The following RORA variants were observed in gnomAD, a reference collection of about 807,000 sequenced individuals.
The protein encoded by RORA is RAR related orphan receptor A, also known as nuclear receptor ROR-alpha.
Under a neutral mutation model 69.5 loss-of-function variants are expected in RORA, and 7 were observed. That is an observed-to-expected ratio of 0.10 (90% CI 0.06 to 0.19). The LOEUF (loss-of-function observed/expected upper bound fraction) is 0.19, where lower values mean the gene tolerates loss of function less well. Ranked by LOEUF, RORA falls within the 10% of genes least tolerant of loss-of-function variation. RORA has a pLI of 1.00. For synonymous variants in RORA, 261 were observed against 240.8 expected (o/e 1.08, Z -0.78); for missense variants, 457 against 663.0 (o/e 0.69, Z 3.41).
intron 2 of RORA, among the ~76,000 whole-genome samples, chr15:60,672,163 GAATAACATT>G (rs1455123312): frequency 6.6e-6 from 1 of 152,140 alleles, no homozygotes; most frequent in Non-Finnish European, 1.5e-5. Context: ...CACATAGTGG[GAATAACATT>G]CCCCTTTCTT....
At chr15:61,127,967 A>T (rs2079157578) in intron 1 of RORA, among the ~76,000 whole-genome samples, 1 of 152,206 alleles carries the variant, frequency 6.6e-6, no homozygotes, top group Non-Finnish European at 1.5e-5. Context: ...TCAGCTTCTT[A>T]CAGCTATAGG....
intron 3 of RORA, among the ~76,000 whole-genome samples, chr15:60,522,285 C>G (rs1295030394): frequency 6.6e-6 from 1 of 152,202 alleles, no homozygotes; most frequent in Admixed American, 6.5e-5. Flanking sequence ...CATCCCTTCC[C>G]TACTCTGTAT....
chr15:61,066,383 C>G (rs922044783), intron 1 of RORA, among the ~76,000 whole-genome samples: 14 of 144,774 alleles, frequency 9.7e-5, no homozygotes, highest in Non-Finnish European at 1.7e-4. Context: ...GAGTAGTCTA[C>G]AACTTGCACA....
intron 1 of RORA, among the ~76,000 whole-genome samples, chr15:60,850,670 G>A (rs1333589604): frequency 6.6e-6 from 1 of 152,138 alleles, no homozygotes; most frequent in Non-Finnish European, 1.5e-5. Context: ...GAGCAGAGCT[G>A]GTTTCCAGCA....
chr15:61,100,308 T>C (rs556198371), intron 1 of RORA, among the ~76,000 whole-genome samples: 3 of 152,070 alleles, frequency 2.0e-5, no homozygotes, highest in East Asian at 3.9e-4. Context: ...TTAGTAGAGA[T>C]GGGGTTTTGC....
intron 1 of RORA, among the ~76,000 whole-genome samples, chr15:60,850,297 C>G (rs150871914): frequency 6.6e-6 from 1 of 152,288 alleles, no homozygotes; most frequent in East Asian, 1.9e-4. Context: ...GTATACCTCC[C>G]TGAAATTCCC....
chr15:60,648,251 A>C (rs998791882), intron 2 of RORA, among the ~76,000 whole-genome samples: 19 of 152,274 alleles, frequency 1.2e-4, no homozygotes, highest in African/African-American at 4.6e-4. Context: ...ATATATGAAC[A>C]TATTAAAGAA....
chr15:60,997,770 T>C (rs968671275), intron 1 of RORA, among the ~76,000 whole-genome samples: 2 of 152,198 alleles, frequency 1.3e-5, no homozygotes, highest in Admixed American at 1.3e-4. Flanking sequence ...GAAACCCACA[T>C]TTTCTCCCAT....
chr15:60,804,106 T>C (rs955646837), intron 1 of RORA, among the ~76,000 whole-genome samples: 2 of 151,972 alleles, frequency 1.3e-5, no homozygotes, highest in Admixed American at 6.6e-5. Flanking sequence ...CTGACCAATA[T>C]GGAGAAACCT....
intron 6 of RORA, 64 bp from the exon 7 acceptor site, chr15:60,503,731 CAG>C: frequency 1.9e-6 from 3 of 1,589,016 alleles, no homozygotes. Flanking sequence ...GCAGAAGCTG[CAG>C]AGTTATGAAA....
intron 1 of RORA, among the ~76,000 whole-genome samples, chr15:60,826,618 A>G (rs750116906): frequency 6.6e-6 from 1 of 151,922 alleles, no homozygotes; most frequent in African/African-American, 2.4e-5. Context: ...TCATTTGACA[A>G]AAGTGCCAAA....
intron 1 of RORA, among the ~76,000 whole-genome samples, chr15:61,092,429 T>C (rs2078721880): frequency 6.6e-6 from 1 of 152,260 alleles, no homozygotes; most frequent in Non-Finnish European, 1.5e-5. Flanking sequence ...CTTCCCTTTC[T>C]GCCTAAGTGG....
At chr15:60,793,956 A>C (rs1262028074) in intron 1 of RORA, among the ~76,000 whole-genome samples, 2 of 152,172 alleles carry the variant, frequency 1.3e-5, no homozygotes, top group Non-Finnish European at 2.9e-5. Flanking sequence ...TGACTCAGAC[A>C]GTGCACTCTA....
At chr15:60,939,835 C>T (rs1288322102) in intron 1 of RORA, among the ~76,000 whole-genome samples, 3 of 152,228 alleles carry the variant, frequency 2.0e-5, no homozygotes, top group African/African-American at 4.8e-5. Flanking sequence ...CCTCCTCTTG[C>T]ACTTAGAATG....
At chr15:60,736,376 G>C (rs568500948) in intron 1 of RORA, among the ~76,000 whole-genome samples, 1 of 152,140 alleles carries the variant, frequency 6.6e-6, no homozygotes, top group African/African-American at 2.4e-5. Context: ...CTTCCAACTA[G>C]CAATAATCAG....
chr15:60,936,093 T>C (rs541551133), intron 1 of RORA, among the ~76,000 whole-genome samples: 1 of 152,256 alleles, frequency 6.6e-6, no homozygotes, highest in South Asian at 2.1e-4. Context: ...AAGGTCTGCA[T>C]AGTAACGAAA....
At chr15:60,886,646 G>A (rs2073753276) in intron 1 of RORA, among the ~76,000 whole-genome samples, 1 of 152,132 alleles carries the variant, frequency 6.6e-6, no homozygotes, top group Non-Finnish European at 1.5e-5. Flanking sequence ...CTCCATCTGA[G>A]GTGGGTCTAA....
intron 3 of RORA, among the ~76,000 whole-genome samples, chr15:60,521,103 A>G (rs1473789660): frequency 6.6e-6 from 1 of 152,192 alleles, no homozygotes; most frequent in Admixed American, 6.5e-5. Context: ...ACACCCACAG[A>G]GCTTTTAAAA....
At chr15:61,227,448 C>A (rs1045872699) in intron 1 of RORA, among the ~76,000 whole-genome samples, 49 of 152,092 alleles carry the variant, frequency 3.2e-4, no homozygotes, top group African/African-American at 1.1e-3. Flanking sequence ...GCTGAAACCG[C>A]GGTTCGCCGC....
Sources: gnomAD v4.1 joint callset for allele counts (sites outside exome capture counted in the v4.1 genomes callset) on GRCh38, gnomAD v4.1.1 for gene constraint, MANE v1.5 for transcripts, NCBI Gene and HGNC (gene_info 2026-07-23, HGNC 2026-07-21) for gene names.